Variants in LRRC8C observed in about 807,000 individuals in gnomAD.
LRRC8C encodes volume-regulated anion channel subunit LRRC8C.
A neutral mutation model predicts 55.3 loss-of-function variants in LRRC8C; 20 were observed. The ratio of observed to expected loss-of-function variants is 0.36; its 90% CI spans 0.25 to 0.53. The LOEUF (loss-of-function observed/expected upper bound fraction) is 0.53, where lower values mean the gene tolerates loss of function less well. LRRC8C is among the 20% of genes least tolerant of loss of function. The pLI, the probability that LRRC8C is intolerant of heterozygous loss-of-function variation, is 0.92. For missense variants in LRRC8C, 659 were observed against 951.4 expected (o/e 0.69, Z 4.04); for synonymous variants, 376 against 360.7 (o/e 1.04, Z -0.48).
At chr1:89,657,165 A>G (rs181422084) in intron 1 of LRRC8C, among the ~76,000 whole-genome samples, 67 of 152,338 alleles carry the variant, frequency 4.4e-4, no homozygotes, top group Middle Eastern at 3.4e-3. Flanking sequence ...GAAAATGCAG[A>G]TGTCCAATGA....
the LRRC8C span, among the ~76,000 whole-genome samples, chr1:89,622,387 C>T: frequency 2.7e-5 from 4 of 147,576 alleles, no homozygotes; most frequent in Admixed American, 6.9e-5. Flanking sequence ...GGCTGGAGTG[C>T]AGTGGCGCGA....
At chr1:89,680,650 TC>T (rs1202053631) in intron 1 of LRRC8C, among the ~76,000 whole-genome samples, 1 of 142,936 alleles carries the variant, frequency 7.0e-6, no homozygotes. Context: ...AACCTCTGAC[TC>T]CCGGGTTCAA....
chr1:89,633,203 A>G lies in LRRC8C; in HGVS notation c.-124A>G, dbSNP rs1656169031. 1 of 152,254 alleles carries G rather than the reference A, an allele frequency of 6.6e-6. No individual in the cohort carries two copies. The highest frequency in any genetic ancestry group is 2.4e-5 in the African/African-American group (1 of 41,418). 9.4% of individuals were successfully genotyped at this position (152,254 alleles called of 1,614,324 possible). ...GCCGCGGCCGCAGTGCTCGGGCGCG[A>G]CAAGCCATGAGCAGCGACCCCGCGG... On this transcript the variant is annotated 5_prime_UTR_variant, in exon 1 of 3. Transcript: ENST00000370454.
At chr1:89,635,191 G>T (rs1003425293) in intron 1 of LRRC8C, among the ~76,000 whole-genome samples, 1 of 151,992 alleles carries the variant, frequency 6.6e-6, no homozygotes, top group African/African-American at 2.4e-5. Context: ...ACAATACAAA[G>T]TTAGAAATAT....
chr1:89,647,875 C>T (rs922600272), intron 1 of LRRC8C, among the ~76,000 whole-genome samples: 2 of 152,034 alleles, frequency 1.3e-5, no homozygotes, highest in Non-Finnish European at 1.5e-5. Context: ...CCAGCCTGGG[C>T]AACATGGTGA....
intron 1 of LRRC8C, among the ~76,000 whole-genome samples, chr1:89,684,574 T>C (rs934065036): frequency 6.6e-6 from 1 of 152,214 alleles, no homozygotes; most frequent in African/African-American, 2.4e-5. Context: ...ATTTGTGCCA[T>C]CTGTTATTGC....
chr1:89,698,753 T>G (rs1658238985), intron 2 of LRRC8C, among the ~76,000 whole-genome samples: 1 of 152,046 alleles, frequency 6.6e-6, no homozygotes. Context: ...TTCCCTTTCT[T>G]ATTGCTGTTG....
chr1:89,707,681 A>G (rs1658524279), intron 2 of LRRC8C, among the ~76,000 whole-genome samples: 1 of 147,060 alleles, frequency 6.8e-6, no homozygotes, highest in Non-Finnish European at 1.5e-5. Context: ...TGTGTAGCAG[A>G]TTTTACTAAA....
At chr1:89,658,907 C>G (rs897880735) in intron 1 of LRRC8C, among the ~76,000 whole-genome samples, 2 of 152,032 alleles carry the variant, frequency 1.3e-5, no homozygotes, top group East Asian at 3.9e-4. Context: ...TTAGGAGCCA[C>G]TGCTAATGGA....
intron 1 of LRRC8C, among the ~76,000 whole-genome samples, chr1:89,646,929 C>A (rs1355202975): frequency 1.3e-5 from 2 of 151,942 alleles, no homozygotes; most frequent in African/African-American, 4.8e-5. Flanking sequence ...TAAAATTTAC[C>A]AAAAAATCTT....
upstream of LRRC8C, chr1:89,632,857 G>C (rs1015770115): frequency 6.6e-6 from 1 of 152,390 alleles, no homozygotes; most frequent in East Asian, 1.9e-4. Flanking sequence ...TCCTGGAGAA[G>C]GCCCCCGGCG....
intron 1 of LRRC8C, among the ~76,000 whole-genome samples, chr1:89,671,514 T>A (rs1353776901): frequency 6.6e-6 from 1 of 151,882 alleles, no homozygotes; most frequent in Non-Finnish European, 1.5e-5. Context: ...TGCAGGAGAG[T>A]AAAGACATGG....
rs768448171 is a variant in LRRC8C, at chr1:89,713,105, T to C, written c.535T>C (p.Ser179Pro). 1 of 1,614,134 alleles carries C rather than the reference T, an allele frequency of 6.2e-7. No individual in the cohort carries two copies. The highest frequency in any genetic ancestry group is 1.7e-5 in the Admixed American group (1 of 60,022). ...GACCACACGGGCTTTATCTGAAGTG[T>C]CTGGGGAGGACTCAGAAGAAAAGGA... Reference protein sequence around the residue: ...PWTTRALSEVSGEDSEEKDNR... With the variant: ...PWTTRALSEVPGEDSEEKDNR... Residue 179 changes from serine (S) to proline (P), a missense_variant, in exon 3 of 3, where the codon TCT (serine) becomes CCT (proline). Around this residue, in one of 5 missense-constraint regions of LRRC8C, gnomAD observed 200 missense variants for 360.5 expected, o/e 0.55. Transcript: ENST00000370454. This position sits in a 1 kb window ranked among gnomAD's most constrained non-coding sequence, Gnocchi z 5.2.
rs774530127 is a variant in LRRC8C at position 89,714,838 on chromosome 1, C to T, written c.2268C>T (p.Tyr756=). 3 of 1,614,114 alleles carry T rather than the reference C, an allele frequency of 1.9e-6. No individual in the cohort carries two copies. In the South Asian group the frequency reaches 3.3e-5, roughly 18 times the overall value. The change falls in exon 3 of 3, where the codon TAC becomes TAT. Residue 756 remains tyrosine, a synonymous_variant. Coordinates refer to ENST00000370454, the MANE Select transcript of LRRC8C (RefSeq NM_032270.5). The surrounding 1 kb of genome is among the most constrained non-coding windows in gnomAD (Gnocchi z 4.6). ...PKIGNLLFLS[Y]LDVKGNHFEI... ...TTGGAAATTTGCTATTTCTTTCCTA[C>T]TTAGATGTAAAAGGTAATCACTTTG...
rs1033061920 is a variant in LRRC8C at position 89,717,244 on chromosome 1, C to T, written c.*2262C>T. The T allele has an allele frequency of 9.2e-5, 14 of 152,092 alleles. No individual in the cohort carries two copies. The highest frequency in any genetic ancestry group is 3.1e-4 in the African/African-American group (13 of 41,400). 9.4% of individuals were successfully genotyped at this position (152,092 alleles called of 1,614,324 possible). A position where few individuals can be genotyped will look rare whatever the true frequency, so the allele number is the denominator to read the frequency against. On this transcript the variant is annotated 3_prime_UTR_variant, in exon 3 of 3. Transcript: ENST00000370454. ...AGCTTAGGTAACTGCTGGCAAAACA[C>T]TGGGTGCACTATTTTTCTGGATAAA...
intron 1 of LRRC8C, among the ~76,000 whole-genome samples, chr1:89,657,490 C>G (rs1459540446): frequency 6.6e-6 from 1 of 152,060 alleles, no homozygotes; most frequent in African/African-American, 2.4e-5. Flanking sequence ...CACCTGTATA[C>G]CCAACACTTT....
intron 2 of LRRC8C, 64 bp from the exon 3 acceptor site, chr1:89,712,645 C>A: frequency 1.7e-6 from 2 of 1,167,396 alleles, no homozygotes; most frequent in Middle Eastern, 2.0e-4. Context: ...GCTTTCTTTG[C>A]AGTAATGACA....
intron 1 of LRRC8C, among the ~76,000 whole-genome samples, chr1:89,675,393 C>G (rs2101249161): frequency 6.6e-6 from 1 of 152,292 alleles, no homozygotes; most frequent in Middle Eastern, 3.4e-3. Flanking sequence ...CCTTGCTGCC[C>G]TTCATCAGAA....
chr1:89,619,141 A>G, the LRRC8C span, among the ~76,000 whole-genome samples: 14 of 152,332 alleles, frequency 9.2e-5, no homozygotes, highest in East Asian at 2.5e-3. Flanking sequence ...TCAGTAAACA[A>G]TGAAAGTCTT....
Sources: allele counts gnomAD v4.1 joint callset (sites outside exome capture counted in the v4.1 genomes callset), GRCh38; gene constraint gnomAD v4.1.1; regional missense constraint gnomAD v4.1.1; non-coding constraint Gnocchi (gnomAD v3.1); transcripts MANE v1.5; gene names NCBI Gene and HGNC (gene_info 2026-07-23, HGNC 2026-07-21).